GUCY1A2: variants seen among roughly 807,000 people sequenced by gnomAD.
The protein encoded by GUCY1A2 is guanylate cyclase 1 soluble subunit alpha 2.
In GUCY1A2, 27 loss-of-function variants were observed where a neutral mutation model predicts 63.5. The observed-to-expected ratio is 0.43, with a 90% CI of 0.31 to 0.59. The LOEUF (loss-of-function observed/expected upper bound fraction) is 0.59. Among genes scored for constraint, GUCY1A2 ranks in the 20% least tolerant of loss-of-function variants. GUCY1A2 has a pLI of 0.11. For missense variants in GUCY1A2, 768 were observed against 913.3 expected (o/e 0.84, Z 2.05); for synonymous variants, 364 against 343.5 (o/e 1.06, Z -0.66).
chr11:106,899,356 A>G (rs1860094740), intron 4 of GUCY1A2, among the ~76,000 whole-genome samples: 1 of 152,204 alleles, frequency 6.6e-6, no homozygotes, highest in Non-Finnish European at 1.5e-5. Flanking sequence ...ATAGAGTCTA[A>G]AGAATATATC....
At chr11:106,746,461 A>C in intron 6 of GUCY1A2, 2 of 643,422 alleles carry the variant, frequency 3.1e-6, no homozygotes, top group Non-Finnish European at 5.4e-6. Flanking sequence ...TGAATAAATG[A>C]ATAAGGATTA....
chr11:106,912,930 T>A (rs1860315469), intron 4 of GUCY1A2, among the ~76,000 whole-genome samples: 1 of 152,142 alleles, frequency 6.6e-6, no homozygotes. Flanking sequence ...TACTGATTTC[T>A]ACCACTGATT....
intron 6 of GUCY1A2, among the ~76,000 whole-genome samples, chr11:106,714,070 G>GC (rs1863174654): frequency 6.7e-6 from 1 of 149,944 alleles, no homozygotes; most frequent in Non-Finnish European, 1.5e-5. Context: ...TATTTGAAAG[G>GC]CTTATCTAGT....
At chr11:106,737,268 T>C (rs1419412906) in intron 6 of GUCY1A2, among the ~76,000 whole-genome samples, 1 of 152,216 alleles carries the variant, frequency 6.6e-6, no homozygotes, top group East Asian at 1.9e-4. Flanking sequence ...TCCCCCGTGA[T>C]AGTTAACTAG....
chr11:106,943,320 C>T (rs1591336950), intron 3 of GUCY1A2, among the ~76,000 whole-genome samples: 2 of 152,314 alleles, frequency 1.3e-5, no homozygotes, highest in South Asian at 4.1e-4. Context: ...AATCTCCTCA[C>T]ATCACAAGAT....
chr11:106,890,219 A>G (rs1375150444), intron 4 of GUCY1A2, among the ~76,000 whole-genome samples: 1 of 152,194 alleles, frequency 6.6e-6, no homozygotes, highest in Admixed American at 6.5e-5. Flanking sequence ...CTATAAGGGT[A>G]CTTCATCAAA....
intron 3 of GUCY1A2, among the ~76,000 whole-genome samples, chr11:106,976,317 AC>A (rs1390022086): frequency 3.3e-5 from 5 of 151,954 alleles, no homozygotes; most frequent in African/African-American, 9.7e-5. Context: ...TTCCTGTGCC[AC>A]CCCCCAACAA....
chr11:106,926,235 C>G, intron 4 of GUCY1A2, among the ~76,000 whole-genome samples: 1 of 152,078 alleles, frequency 6.6e-6, no homozygotes, highest in East Asian at 1.9e-4. Context: ...GCCTGGCCAG[C>G]ATGGCAAAAC....
chr11:106,706,886 T>A (rs945988551), intron 7 of GUCY1A2, among the ~76,000 whole-genome samples: 1 of 152,168 alleles, frequency 6.6e-6, no homozygotes, highest in Non-Finnish European at 1.5e-5. Context: ...GCCATGGTAA[T>A]TGTTGTCAGA....
intron 6 of GUCY1A2, among the ~76,000 whole-genome samples, chr11:106,745,383 A>C (rs1010263101): frequency 7.2e-5 from 11 of 152,358 alleles, no homozygotes; most frequent in African/African-American, 2.4e-4. Flanking sequence ...CTTCTTAAAA[A>C]ACAGTGAAAT....
intron 6 of GUCY1A2, among the ~76,000 whole-genome samples, chr11:106,741,132 T>A (rs908523720): frequency 6.6e-6 from 1 of 152,216 alleles, no homozygotes; most frequent in African/African-American, 2.4e-5. Context: ...CTAATAGGCA[T>A]GTTAAAAACA....
chr11:106,975,529 A>T lies in GUCY1A2; in HGVS notation c.487+3090T>A, dbSNP rs113965891. Among the ~76,000 whole-genome samples the T allele has an allele frequency of 3.3e-3, 508 of 152,278 alleles. 3 individuals carry two copies. Among genetic ancestry groups the T allele is most frequent in the African/African-American group, 0.012 (488 of 41,556 alleles). The stretch of plus-strand genomic sequence containing the variant: ...TCCTCCAGCAGGGAGGGCACTGTCT[A>T]CTATCTTTCTTTGCATGGCCAGAGT... On this transcript the variant is annotated intron_variant, in intron 3 of 7. Transcript: ENST00000526355.
chr11:106,823,943 TA>T (rs1199503204), intron 4 of GUCY1A2: 1 of 473,000 alleles, frequency 2.1e-6, no homozygotes, highest in Non-Finnish European at 3.5e-6. Flanking sequence ...TTGTAAATTT[TA>T]TTATTTCAAG....
intron 6 of GUCY1A2, among the ~76,000 whole-genome samples, chr11:106,716,458 G>A (rs921261437): frequency 2.0e-5 from 3 of 152,068 alleles, no homozygotes; most frequent in African/African-American, 7.2e-5. Context: ...CTACTTAACG[G>A]TGGTAGAAAT....
intron 4 of GUCY1A2, chr11:106,827,837 G>GC: frequency 6.3e-7 from 1 of 1,599,468 alleles, no homozygotes. Context: ...CCGCGATGCC[G>GC]CCGCCGACCA....
intron 4 of GUCY1A2, among the ~76,000 whole-genome samples, chr11:106,910,320 A>G (rs1430976957): frequency 1.3e-5 from 2 of 152,086 alleles, no homozygotes; most frequent in South Asian, 2.1e-4. Context: ...AAATACAACA[A>G]TATTATAACA....
intron 4 of GUCY1A2, among the ~76,000 whole-genome samples, chr11:106,817,494 T>C (rs1374208150): frequency 2.0e-5 from 3 of 152,066 alleles, no homozygotes; most frequent in Non-Finnish European, 4.4e-5. Context: ...AAAATGAGAA[T>C]AGATCAATGA....
chr11:106,737,104 C>A (rs544518906), intron 6 of GUCY1A2, among the ~76,000 whole-genome samples: 1 of 152,208 alleles, frequency 6.6e-6, no homozygotes, highest in African/African-American at 2.4e-5. Context: ...ACTGTCATTG[C>A]TTTTCATTGT....
chr11:106,705,828 C>G (rs1236482748), intron 7 of GUCY1A2, among the ~76,000 whole-genome samples: 1 of 152,004 alleles, frequency 6.6e-6, no homozygotes, highest in Admixed American at 6.6e-5. Flanking sequence ...CCACTGCACT[C>G]CATCCTGGGC....
Sources: gnomAD v4.1 joint callset for allele counts (sites outside exome capture counted in the v4.1 genomes callset) on GRCh38, gnomAD v4.1.1 for gene constraint, MANE v1.5 for transcripts, NCBI Gene and HGNC (gene_info 2026-07-23, HGNC 2026-07-21) for gene names.